The following ZFP14 variants were observed in gnomAD, a reference collection of about 807,000 sequenced individuals.
The protein encoded by ZFP14 is zinc finger protein 14 homolog.
A neutral mutation model predicts 54.5 loss-of-function variants in ZFP14; 22 were observed. That is an observed-to-expected ratio of 0.40 (90% CI 0.29 to 0.58). The LOEUF (loss-of-function observed/expected upper bound fraction) is 0.58. Ranked by LOEUF, ZFP14 falls within the 20% of genes least tolerant of loss-of-function variation. The pLI is 0.39. For synonymous variants in ZFP14, 159 were observed against 204.0 expected, an observed-to-expected ratio of 0.78 and a Z score of 1.88; for missense variants, 470 against 637.8, an observed-to-expected ratio of 0.74 and a Z score of 2.83.
In ZFP14 at chr19:36,338,664, C is replaced by T. The variant is rs1329168979; in HGVS notation, c.*1560G>A. On this transcript the variant is annotated 3_prime_UTR_variant, in exon 5 of 5. Coordinates refer to ENST00000270001, the MANE Select transcript of ZFP14 (RefSeq NM_020917.3). ...AAAAAATTATACATTGGTGCTCTAG[C>T]ATCTTTCATAGGTTACCAAATTATG... 6.6e-6 allele frequency: 1 copy of T among 152,158 alleles called. No individual in the cohort carries two copies. The highest frequency in any genetic ancestry group is 6.6e-5 in the Admixed American group (1 of 15,254). 9.4% of individuals were successfully genotyped at this position (152,158 alleles called of 1,614,324 possible).
At chr19:36,361,463 C>T (rs1352120158) in intron 3 of ZFP14, among the ~76,000 whole-genome samples, 2 of 151,770 alleles carry the variant, frequency 1.3e-5, no homozygotes, top group Non-Finnish European at 2.9e-5. Context: ...TGGTCTGGAG[C>T]TCCTGACCTC....
intron 4 of ZFP14, among the ~76,000 whole-genome samples, chr19:36,357,826 T>G (rs1600077066): frequency 6.6e-6 from 1 of 151,288 alleles, no homozygotes; most frequent in Non-Finnish European, 1.5e-5. Flanking sequence ...CACTGCAACC[T>G]CCGCTTCCCA....
intron 4 of ZFP14, among the ~76,000 whole-genome samples, chr19:36,343,662 C>T (rs774497930): frequency 6.6e-6 from 1 of 152,142 alleles, no homozygotes; most frequent in Non-Finnish European, 1.5e-5. Context: ...TCTACTCTGA[C>T]GGATTAAGGA....
At chr19:36,372,996 G>A (rs548783336) in intron 1 of ZFP14, among the ~76,000 whole-genome samples, 5 of 152,250 alleles carry the variant, frequency 3.3e-5, no homozygotes, top group Non-Finnish European at 5.9e-5. Flanking sequence ...AGTTGATCTC[G>A]ACCAGGCGTG....
At chr19:36,345,205 G>A (rs1207053051) in intron 4 of ZFP14, among the ~76,000 whole-genome samples, 3 of 152,210 alleles carry the variant, frequency 2.0e-5, no homozygotes, top group Non-Finnish European at 4.4e-5. Context: ...GGAGGTTGGG[G>A]TGAGCCAAGA....
chr19:36,340,296 A>C lies in ZFP14; in HGVS notation c.1530T>G (p.Cys510Trp). 1.9e-6 allele frequency: 3 copies of C among 1,614,038 alleles called. No individual in the cohort carries two copies. Among genetic ancestry groups the C allele is most frequent in the Non-Finnish European group, 1.7e-6 (2 of 1,179,964 alleles). ...GTCTAAAGGCCTTCTTACACTCCTT[A>C]CACTTGTAGGGCTTCTCACCAGTAT... is the stretch of plus-strand genomic sequence containing the variant. ...RIHTGEKPYK[C>W]KECKKAFRQH... The change falls in exon 5 of 5, where the codon TGT becomes TGG. Residue 510 changes from cysteine to tryptophan, a missense_variant. Cys to Trp is a radical substitution (Grantham distance 215). Coordinates refer to ENST00000270001, the MANE Select transcript of ZFP14 (RefSeq NM_020917.3). This position sits in a 1 kb window ranked among gnomAD's most constrained non-coding sequence, Gnocchi z 5.4.
chr19:36,368,922 C>A (rs1420209478), intron 1 of ZFP14, among the ~76,000 whole-genome samples: 1 of 152,102 alleles, frequency 6.6e-6, no homozygotes, highest in Non-Finnish European at 1.5e-5. Context: ...CAGCTCACTG[C>A]AACCTCCATC....
At chr19:36,342,989 A>G (rs2145540795) in intron 4 of ZFP14, among the ~76,000 whole-genome samples, 1 of 152,320 alleles carries the variant, frequency 6.6e-6, no homozygotes, top group Non-Finnish European at 1.5e-5. Flanking sequence ...CACTCTCATC[A>G]TTTTGAAAAA....
At chr19:36,349,491 C>G (rs998894931) in intron 4 of ZFP14, among the ~76,000 whole-genome samples, 1 of 149,834 alleles carries the variant, frequency 6.7e-6, no homozygotes, top group African/African-American at 2.4e-5. Context: ...ATGGCAAAAC[C>G]CCATCTCTAC....
chr19:36,338,941 G>A lies in ZFP14; in HGVS notation c.*1283C>T, dbSNP rs984954593. On this transcript the variant is annotated 3_prime_UTR_variant, in exon 5 of 5. Transcript: ENST00000270001. ...TAGTTTCTAATTAATTTTAAACTGT[G>A]GTCAGACAACAGGGATTGTAAGCCT... 6.6e-6 allele frequency: 1 copy of A among 152,054 alleles called. No homozygotes were observed. Among genetic ancestry groups the A allele is most frequent in the South Asian group, 2.1e-4 (1 of 4,830 alleles). 9.4% of individuals were successfully genotyped at this position (152,054 alleles called of 1,614,324 possible). A position where few individuals can be genotyped will look rare whatever the true frequency, so the allele number is the denominator to read the frequency against.
At chr19:36,349,255 A>C (rs1434314964) in intron 4 of ZFP14, among the ~76,000 whole-genome samples, 4 of 65,338 alleles carry the variant, frequency 6.1e-5, no homozygotes, top group Non-Finnish European at 1.3e-4. Context: ...AAAAAAAAAA[A>C]ACAAAAAAAA....
chr19:36,379,155 C>T lies in ZFP14; in HGVS notation c.-80+8G>A, dbSNP rs2032011686. ...CGCCCATTGCCTCGGTGCAAGCGAC[C>T]AACTCACCTCTCGGAGCCGACACCA... On this transcript the variant is annotated splice_region_variant and intron_variant, in intron 1 of 4. Coordinates refer to ENST00000270001, the MANE Select transcript of ZFP14 (RefSeq NM_020917.3). 1 of 152,664 alleles carries T rather than the reference C, an allele frequency of 6.6e-6. No homozygotes were observed. Among genetic ancestry groups the T allele is most frequent in the Non-Finnish European group, 1.5e-5 (1 of 68,462 alleles). The allele number at this position is 152,664 out of a possible 1,614,324, so 9.5% of individuals were successfully genotyped here. A position where few individuals can be genotyped will look rare whatever the true frequency, so the allele number is the denominator to read the frequency against.
chr19:36,363,192 T>TTC (rs1370773408), intron 2 of ZFP14, among the ~76,000 whole-genome samples: 1 of 132,942 alleles, frequency 7.5e-6, no homozygotes, highest in Non-Finnish European at 1.6e-5. Flanking sequence ...TTCTTTTCTT[T>TTC]TTTTTTTTTT....
At position 36,362,196 on chromosome 19, in the gene ZFP14, C is replaced by T; in HGVS notation, c.52G>A (p.Glu18Lys). The change falls in exon 3 of 5, where the codon GAA becomes AAA. Residue 18 changes from glutamate (E) to lysine (K), a missense_variant. Glu to Lys is a moderately conservative substitution (Grantham distance 56). Coordinates refer to ENST00000270001, the MANE Select transcript of ZFP14 (RefSeq NM_020917.3). ...FRDVAIDFSQ[E>K]EWEFLDPAQR... ...GCAGGATCCAGGAATTCCCATTCTTCCTGTGAGAAGTCTATGGCCACATCC... is the reference window on the plus strand; with the variant it reads ...GCAGGATCCAGGAATTCCCATTCTTTCTGTGAGAAGTCTATGGCCACATCC... 1 of 1,612,954 alleles carries T rather than the reference C, an allele frequency of 6.2e-7. No individual in the cohort carries two copies.
chr19:36,340,122 T>C lies in ZFP14; in HGVS notation c.*102A>G. The C allele has an allele frequency of 3.3e-6, 4 of 1,227,158 alleles. No homozygotes were observed. The highest frequency in any genetic ancestry group is 3.9e-5 in the South Asian group (2 of 50,836). The allele number at this position is 1,227,158 out of a possible 1,614,324, so 76.0% of individuals were successfully genotyped here. A position where few individuals can be genotyped will look rare whatever the true frequency, so the allele number is the denominator to read the frequency against. ...TTAAATCAACATATTCTTTCTCTAA[T>C]ATAAAATTTATTATGCTTGGAATTG... On this transcript the variant is annotated 3_prime_UTR_variant, in exon 5 of 5. Transcript: ENST00000270001. The surrounding 1 kb of genome is among the most constrained non-coding windows in gnomAD (Gnocchi z 5.4).
Position 36,356,057 on chromosome 19 carries a change from A to G in ZFP14, c.235+4378T>C. ...ATAGATCCATGGGAAGTTGCACAAA[A>G]TGTACAGAAAAGTCCTGTGTAGACT... On this transcript the variant is annotated intron_variant, in intron 4 of 4. Coordinates refer to ENST00000270001, the MANE Select transcript of ZFP14 (RefSeq NM_020917.3). Among the ~76,000 whole-genome samples the G allele has an allele frequency of 1.4e-5, 2 of 142,772 alleles. 1 individual carries two copies. Among genetic ancestry groups the G allele is most frequent in the Non-Finnish European group, 3.1e-5 (2 of 64,416 alleles). 93.7% of individuals were successfully genotyped at this position (142,772 alleles called of 152,430 possible). A position where few individuals can be genotyped will look rare whatever the true frequency, so the allele number is the denominator to read the frequency against.
intron 4 of ZFP14, among the ~76,000 whole-genome samples, chr19:36,346,034 T>C (rs2031407218): frequency 6.6e-6 from 1 of 152,142 alleles, no homozygotes; most frequent in African/African-American, 2.4e-5. Flanking sequence ...GACTCATGCC[T>C]GTAAACCCAG....
At position 36,335,594 on chromosome 19, in the gene ZFP14, T is replaced by C. The variant is rs1035506657; in HGVS notation, c.*4630A>G. On this transcript the variant is annotated 3_prime_UTR_variant, in exon 5 of 5. Transcript: ENST00000270001. ...TCACACACACACACACACACACACA[T>C]TTTTTGTTAATCTATTTGGGTTATA... 10 of 144,848 alleles carry C rather than the reference T, an allele frequency of 6.9e-5. No homozygotes were observed. Among genetic ancestry groups the C allele is most frequent in the African/African-American group, 2.8e-4 (10 of 35,420 alleles). 9.0% of individuals were successfully genotyped at this position (144,848 alleles called of 1,614,324 possible). A position where few individuals can be genotyped will look rare whatever the true frequency, so the allele number is the denominator to read the frequency against.
chr19:36,374,132 C>T (rs1029978991), intron 1 of ZFP14, among the ~76,000 whole-genome samples: 1 of 152,100 alleles, frequency 6.6e-6, no homozygotes, highest in South Asian at 2.1e-4. Flanking sequence ...GCATTTCAAT[C>T]CTGTAAACTC....
Sources: gnomAD v4.1 joint callset for allele counts (sites outside exome capture counted in the v4.1 genomes callset) on GRCh38, gnomAD v4.1.1 for gene constraint, Gnocchi (gnomAD v3.1) non-coding constraint, MANE v1.5 for transcripts, NCBI Gene and HGNC (gene_info 2026-07-23, HGNC 2026-07-21) for gene names.